NUP214: variants seen among roughly 807,000 people sequenced by gnomAD.
The protein encoded by NUP214 is nuclear pore complex protein Nup214.
A neutral mutation model predicts 196.2 loss-of-function variants in NUP214; 79 were observed. The ratio of observed to expected loss-of-function variants is 0.40; its 90% CI spans 0.34 to 0.49. The LOEUF is 0.49. Ranked by LOEUF, NUP214 falls within the 20% of genes least tolerant of loss-of-function variation. The pLI is 0.58. For missense variants in NUP214, 2,468 were observed against 2,539.0 expected (o/e 0.97, Z 0.60); for synonymous variants, 1,020 against 990.5 (o/e 1.03, Z -0.56).
rs113560692 is a variant in NUP214 at position 131,225,318 on chromosome 9, CTG to C, written c.5902+2389_5902+2390del. 4.6e-5 allele frequency among the ~76,000 whole-genome samples: 7 copies of C among 152,296 alleles called. 1 individual carries two copies. Among genetic ancestry groups the C allele is most frequent in the African/African-American group, 1.4e-4 (6 of 41,558 alleles). On this transcript the variant is annotated intron_variant, in intron 32 of 35. Transcript: ENST00000359428. ...CCTGTAGTCCCAGCTCCTCGGGAGA[CTG>C]AGGTGGGAGGATCAATTGAGCCTGG...
Position 131,197,793 on chromosome 9 carries a change from T to C in NUP214, c.4299T>C (p.Ser1433=). 1 of 1,614,142 alleles carries C rather than the reference T, an allele frequency of 6.2e-7. No homozygotes were observed. The highest frequency in any genetic ancestry group is 8.5e-7 in the Non-Finnish European group (1 of 1,180,028). ...GVISFGGTSL[S]AGKTSFSFGS... Reference sequence around the variant, plus strand: ...TCAGTTTTGGTGGGACATCTCTAAGTGCTGGCAAGACTAGTTTTTCATTTG... The same window carrying C: ...TCAGTTTTGGTGGGACATCTCTAAGCGCTGGCAAGACTAGTTTTTCATTTG... Residue 1433 remains serine, a synonymous_variant, in exon 29 of 36, where the codon AGT becomes AGC. Coordinates refer to ENST00000359428, the MANE Select transcript of NUP214 (RefSeq NM_005085.4).
chr9:131,199,246 C>T (rs1833880960), intron 29 of NUP214, among the ~76,000 whole-genome samples: 1 of 152,206 alleles, frequency 6.6e-6, no homozygotes, highest in African/African-American at 2.4e-5. Context: ...AAATTGTCCA[C>T]TCTGCAAGCC....
At chr9:131,166,920 A>G (rs1832801200) in intron 21 of NUP214, among the ~76,000 whole-genome samples, 1 of 152,186 alleles carries the variant, frequency 6.6e-6, no homozygotes, top group Non-Finnish European at 1.5e-5. Flanking sequence ...TAAGCTGAAG[A>G]CAACGCCCCT....
Position 131,159,394 on chromosome 9 carries a change from C to A in NUP214, c.2448C>A (p.Arg816=), listed in dbSNP as rs748335632. The A allele has an allele frequency of 4.3e-6, 7 of 1,613,028 alleles. No individual in the cohort carries two copies. The Admixed American group carries it at 1.0e-4, about 23-fold the overall frequency. ...KSEAQLQEIR[R]LHQYVKFAVQ... ...TTTTTTTCTTATAGGAAATTCGGCG[C>A]CTTCATCAGTATGTGAAATTTGCTG... Residue 816 remains arginine (R), a synonymous_variant, in exon 18 of 36, where the codon CGC becomes CGA. Transcript: ENST00000359428.
At chr9:131,219,020 C>T (rs1051330615) in intron 31 of NUP214, among the ~76,000 whole-genome samples, 1 of 152,030 alleles carries the variant, frequency 6.6e-6, no homozygotes, top group Non-Finnish European at 1.5e-5. Context: ...CATTCAGGCC[C>T]ACCATGATCG....
At position 131,166,950 on chromosome 9, in the gene NUP214, A is replaced by G. The variant is rs1832801772; in HGVS notation, c.2893+2806A>G. On this transcript the variant is annotated intron_variant, in intron 21 of 35. Coordinates refer to ENST00000359428, the MANE Select transcript of NUP214 (RefSeq NM_005085.4). ...GCCCCTTATTCCTAAATATTTCAGC[A>G]TGTGTCCTCCCAAGAACAAAGGTGC... 3 of 152,198 alleles carry G rather than the reference A, an allele frequency of 2.0e-5. No homozygotes were observed. The South Asian group carries it at 6.2e-4, about 32-fold the overall frequency. The allele number at this position is 152,198 out of a possible 1,614,324, so 9.4% of individuals were successfully genotyped here. A position where few individuals can be genotyped will look rare whatever the true frequency, so the allele number is the denominator to read the frequency against.
chr9:131,140,493 G>C, intron 10 of NUP214, 56 bp from the exon 11 acceptor site: 1 of 1,504,190 alleles, frequency 6.6e-7, no homozygotes, highest in Non-Finnish European at 9.0e-7. Context: ...TTTGCCTTCT[G>C]GGCTCAGGCC....
Position 131,228,300 on chromosome 9 carries a change from G to A in NUP214, c.6043G>A (p.Gly2015Ser). ...GACGGGAGGCAAAGTGTTCGGAGAGGGCACTGCAGCTGCCAGCGCAGGAGG... is the reference window on the plus strand; with the variant it reads ...GACGGGAGGCAAAGTGTTCGGAGAGAGCACTGCAGCTGCCAGCGCAGGAGG... ...GSTGGKVFGE[G>S]TAAASAGGFG... Residue 2015 changes from glycine (G) to serine (S), a missense_variant, in exon 33 of 36, where the codon GGC becomes AGC. Physicochemically the swap from Gly to Ser is moderately conservative, Grantham distance 56. Around this residue, in one of 5 missense-constraint regions of NUP214, gnomAD observed 262 missense variants for 296.5 expected, o/e 0.88. Transcript: ENST00000359428. The A allele has an allele frequency of 6.2e-7, 1 of 1,600,186 alleles. No individual in the cohort carries two copies. The highest frequency in any genetic ancestry group is 8.5e-7 in the Non-Finnish European group (1 of 1,175,008).
In NUP214 at chr9:131,162,976, C is replaced by A. The variant is rs754198129; in HGVS notation, c.2541-15C>A. On this transcript the variant is annotated splice_polypyrimidine_tract_variant and intron_variant, in intron 18 of 35. Coordinates refer to ENST00000359428, the MANE Select transcript of NUP214 (RefSeq NM_005085.4). ...AACCATTCATGTTTAATTCTTTTCTCATTGTTGTCAACAGGCACCTGCTTG... is the reference window on the plus strand; with the variant it reads ...AACCATTCATGTTTAATTCTTTTCTAATTGTTGTCAACAGGCACCTGCTTG... 3.7e-6 allele frequency: 6 copies of A among 1,613,434 alleles called. No homozygotes were observed. In the Admixed American group the frequency reaches 8.3e-5, roughly 22 times the overall value.
chr9:131,212,222 C>G (rs988827877), intron 30 of NUP214, among the ~76,000 whole-genome samples: 1 of 152,190 alleles, frequency 6.6e-6, no homozygotes, highest in Non-Finnish European at 1.5e-5. Context: ...TGCTCTCAAA[C>G]CCTGTCTCCT....
intron 14 of NUP214, among the ~76,000 whole-genome samples, chr9:131,148,732 G>T (rs921889441): frequency 2.6e-5 from 4 of 151,982 alleles, no homozygotes; most frequent in Non-Finnish European, 5.9e-5. Flanking sequence ...CTGTTTTTCT[G>T]TTGGATTGTC....
intron 24 of NUP214, among the ~76,000 whole-genome samples, chr9:131,185,100 G>A (rs1833416526): frequency 6.6e-6 from 1 of 152,302 alleles, no homozygotes; most frequent in South Asian, 2.1e-4. Flanking sequence ...TTACAACAAT[G>A]GGATGAGTAT....
At chr9:131,171,604 C>T (rs537867527) in intron 21 of NUP214, among the ~76,000 whole-genome samples, 1 of 145,298 alleles carries the variant, frequency 6.9e-6, no homozygotes, top group South Asian at 2.2e-4. Context: ...GCACAATGTG[C>T]AGGTTAGTTA....
At chr9:131,192,594 A>G (rs1236225693) in intron 27 of NUP214, 1 of 210,486 alleles carries the variant, frequency 4.8e-6, no homozygotes, top group South Asian at 9.9e-5. Flanking sequence ...AGTTTGTCAC[A>G]CTGAGATGTT....
chr9:131,184,193 G>A (rs1833383621), intron 24 of NUP214, among the ~76,000 whole-genome samples: 1 of 151,346 alleles, frequency 6.6e-6, no homozygotes, highest in South Asian at 2.1e-4. Flanking sequence ...AGCACAGCCG[G>A]CTAATTTTTG....
intron 17 of NUP214, among the ~76,000 whole-genome samples, chr9:131,158,186 C>A (rs1832518449): frequency 6.6e-6 from 1 of 152,222 alleles, no homozygotes; most frequent in African/African-American, 2.4e-5. Flanking sequence ...TCAAGTGATT[C>A]TTGTGCCTCA....
chr9:131,228,603 G>C (rs575027259), intron 33 of NUP214: 2 of 331,534 alleles, frequency 6.0e-6, no homozygotes, highest in Non-Finnish European at 1.1e-5. Context: ...CTCCTGCTGG[G>C]GCTAAAGGAA....
intron 2 of NUP214, 100 bp downstream of exon 2, chr9:131,127,819 T>A: frequency 5.8e-6 from 5 of 861,348 alleles, no homozygotes; most frequent in Non-Finnish European, 9.1e-6. Context: ...AAATGAACAC[T>A]GCTGTCAGTT....
At position 131,144,401 on chromosome 9, in the gene NUP214, G is replaced by C; in HGVS notation, c.1416G>C (p.Leu472Phe). The change falls in exon 12 of 36, where the codon TTG (leucine) becomes TTC (phenylalanine). Residue 472 changes from leucine (L) to phenylalanine (F), a missense_variant. Transcript: ENST00000359428. ...SPAAPIATFS[L>F]LPAGGAPTVF... ...CTGCTCCCATTGCCACTTTTTCTTTGCTTCCTGCTGGTGGAGCCCCCACTG... is the reference window on the plus strand; with the variant it reads ...CTGCTCCCATTGCCACTTTTTCTTTCCTTCCTGCTGGTGGAGCCCCCACTG... The C allele has an allele frequency of 6.2e-7, 1 of 1,614,008 alleles. No homozygotes were observed. The highest frequency in any genetic ancestry group is 8.5e-7 in the Non-Finnish European group (1 of 1,179,992).
Sources: allele counts gnomAD v4.1 joint callset (sites outside exome capture counted in the v4.1 genomes callset), GRCh38; gene constraint gnomAD v4.1.1; regional missense constraint gnomAD v4.1.1; transcripts MANE v1.5; gene names NCBI Gene and HGNC (gene_info 2026-07-23, HGNC 2026-07-21).